Variants in RFFL observed in about 807,000 individuals in gnomAD.
RFFL encodes ring finger and FYVE like domain containing E3 ubiquitin protein ligase.
RFFL carries 16 observed loss-of-function variants against 40.4 expected under a neutral mutation model. The observed-to-expected ratio is 0.40, with a 90% CI of 0.27 to 0.60. The LOEUF is 0.60. Ranked by LOEUF, RFFL falls within the 20% of genes least tolerant of loss-of-function variation. RFFL has a pLI of 0.47. For synonymous variants in RFFL, 154 were observed against 167.9 expected (o/e 0.92, Z 0.64); for missense variants, 367 against 451.7 (o/e 0.81, Z 1.70).
At position 35,006,816 on chromosome 17, in the gene RFFL, C is replaced by CG. The variant is rs2090898459; in HGVS notation, c.*5151_*5152insC. The CG allele has an allele frequency of 6.8e-6, 1 of 147,946 alleles. No individual in the cohort carries two copies. Among genetic ancestry groups the CG allele is most frequent in the South Asian group, 2.1e-4 (1 of 4,790 alleles). The allele number at this position is 147,946 out of a possible 1,614,324, so 9.2% of individuals were successfully genotyped here. Reference sequence around the variant, plus strand: ...CTGCGCCCCCTGGCCACCCCACCGCCCCCCCCCAACTTTGATCTGATTGAC... The same window carrying CG: ...CTGCGCCCCCTGGCCACCCCACCGCCGCCCCCCCAACTTTGATCTGATTGAC... On this transcript the variant is annotated 3_prime_UTR_variant, in exon 7 of 7. Transcript: ENST00000394597.
At chr17:35,077,038 T>C (rs997996802) in intron 1 of RFFL, 1 of 257,992 alleles carries the variant, frequency 3.9e-6, no homozygotes, top group Non-Finnish European at 8.0e-6. Context: ...ACAATAAATG[T>C]TCTGGTTTTT....
intron 1 of RFFL, among the ~76,000 whole-genome samples, chr17:35,040,841 CTTTTTTTTT>C (rs869061281): frequency 2.4e-3 from 151 of 62,416 alleles, no homozygotes; most frequent in African/African-American, 7.9e-3. Flanking sequence ...GCTTTAATGT[CTTTTTTTTT>C]TTTTTTTTTT....
chr17:35,040,983 AT>A (rs2091161871), intron 1 of RFFL, among the ~76,000 whole-genome samples: 1 of 149,458 alleles, frequency 6.7e-6, no homozygotes, highest in Non-Finnish European at 1.5e-5. Context: ...GGCTCTAAGG[AT>A]CCTCCTGCGT....
chr17:35,071,407 C>G (rs963229495), intron 1 of RFFL, among the ~76,000 whole-genome samples: 1 of 151,868 alleles, frequency 6.6e-6, no homozygotes, highest in Non-Finnish European at 1.5e-5. Context: ...CACTTGAGGT[C>G]AGGAGTTCAA....
chr17:35,038,337 G>T (rs1255367706), intron 1 of RFFL, among the ~76,000 whole-genome samples: 1 of 150,144 alleles, frequency 6.7e-6, no homozygotes, highest in Non-Finnish European at 1.5e-5. Flanking sequence ...CTCTAATATT[G>T]CTGGTGGAAG....
intron 1 of RFFL, among the ~76,000 whole-genome samples, chr17:35,079,378 T>C (rs536096249): frequency 6.6e-6 from 1 of 152,344 alleles, no homozygotes; most frequent in South Asian, 2.1e-4. Flanking sequence ...TCTGTTTTTT[T>C]GCTAGCATTT....
chr17:35,056,910 T>A (rs1385343221), intron 1 of RFFL, among the ~76,000 whole-genome samples: 1 of 151,940 alleles, frequency 6.6e-6, no homozygotes, highest in Non-Finnish European at 1.5e-5. Flanking sequence ...CACCCTTTTT[T>A]TTTTTCTTTT....
chr17:35,018,567 G>A (rs1458155862), intron 3 of RFFL: 3 of 152,154 alleles, frequency 2.0e-5, no homozygotes, highest in Admixed American at 2.0e-4. Flanking sequence ...ACCAGATTCT[G>A]GGGATGCCAG....
At chr17:35,085,052 C>T (rs894195621) in intron 1 of RFFL, among the ~76,000 whole-genome samples, 1 of 152,100 alleles carries the variant, frequency 6.6e-6, no homozygotes, top group Non-Finnish European at 1.5e-5. Flanking sequence ...ATCACTTACC[C>T]ACTCAGTCAA....
chr17:35,067,618 C>T (rs2091327114), upstream of RFFL, among the ~76,000 whole-genome samples: 1 of 151,694 alleles, frequency 6.6e-6, no homozygotes, highest in Admixed American at 6.6e-5. Context: ...CCAGGCCTGG[C>T]TAATTTTTGT....
In RFFL at chr17:35,076,522, T is replaced by C. The variant is rs149313181; in HGVS notation, c.-9+12583A>G. Among the ~76,000 whole-genome samples, 764 of 151,528 alleles carry C rather than the reference T, an allele frequency of 5.0e-3. 4 individuals are homozygous for C. Among genetic ancestry groups the C allele is most frequent in the African/African-American group, 0.018 (737 of 41,340 alleles). On this transcript the variant is annotated intron_variant, in intron 1 of 6. Coordinates refer to the RFFL transcript ENST00000315249. ...ATGGAGAAACCCCATCTACTAAAAA[T>C]ACAAAATTAGCCGGGTGTGGTGATG... is the stretch of plus-strand genomic sequence containing the variant.
chr17:35,069,334 C>T (rs1285106922), intron 1 of RFFL: 4 of 456,536 alleles, frequency 8.8e-6, no homozygotes, highest in East Asian at 6.9e-5. Flanking sequence ...TTTGTCAACA[C>T]GTGTTTCATC....
At position 35,008,573 on chromosome 17, in the gene RFFL, C is replaced by T. The variant is rs1243625438; in HGVS notation, c.*3395G>A. The T allele has an allele frequency of 1.3e-5, 2 of 151,976 alleles. No homozygotes were observed. The highest frequency in any genetic ancestry group is 4.8e-5 in the African/African-American group (2 of 41,356). The allele number at this position is 151,976 out of a possible 1,614,324, so 9.4% of individuals were successfully genotyped here. A position where few individuals can be genotyped will look rare whatever the true frequency, so the allele number is the denominator to read the frequency against. On this transcript the variant is annotated 3_prime_UTR_variant, in exon 7 of 7. Coordinates refer to ENST00000394597, the MANE Select transcript of RFFL (RefSeq NM_001017368.2). ...AGCCTTCCAAGTAGTTGGGACTACC[C>T]ACATGCACCACCATGCACGGCTAAT...
At chr17:35,035,822 G>T (rs954081598) in intron 1 of RFFL, among the ~76,000 whole-genome samples, 2 of 151,894 alleles carry the variant, frequency 1.3e-5, no homozygotes, top group African/African-American at 4.8e-5. Context: ...TCCTGCCTCA[G>T]CCTCCTGCGT....
rs1332966308 is a variant in RFFL, at chr17:35,017,625, A to G, written c.592-19T>C. ...CATTGGCCTGTGGGAAGAGAAAAGT[A>G]ACATCACATCTAGAGATGTCCCAGA... On this transcript the variant is annotated intron_variant, in intron 3 of 6. Coordinates refer to ENST00000394597, the MANE Select transcript of RFFL (RefSeq NM_001017368.2). 1 of 1,540,276 alleles carries G rather than the reference A, an allele frequency of 6.5e-7. No individual in the cohort carries two copies. The highest frequency in any genetic ancestry group is 8.9e-7 in the Non-Finnish European group (1 of 1,117,906).
chr17:35,045,243 C>A (rs78802889), intron 1 of RFFL, among the ~76,000 whole-genome samples: 1 of 147,902 alleles, frequency 6.8e-6, no homozygotes, highest in South Asian at 2.1e-4. Flanking sequence ...TTTTTTTTTT[C>A]TTTTTTTGAG....
rs1337106649 is a variant in RFFL at position 35,006,047 on chromosome 17, G to GA, written c.*5920dup. 2 of 230,080 alleles carry GA rather than the reference G, an allele frequency of 8.7e-6. No individual in the cohort carries two copies. The highest frequency in any genetic ancestry group is 1.1e-4 in the East Asian group (1 of 8,870). The allele number at this position is 230,080 out of a possible 1,614,324, so 14.3% of individuals were successfully genotyped here. ...AGAAAATATACTCCATATCTGCAGG[G>GA]AAAAAAATAAAAATCCACACCTGAG... On this transcript the variant is annotated 3_prime_UTR_variant, in exon 7 of 7. Transcript: ENST00000394597.
At chr17:35,057,077 G>A (rs1443517038) in intron 1 of RFFL, among the ~76,000 whole-genome samples, 1 of 151,840 alleles carries the variant, frequency 6.6e-6, no homozygotes, top group East Asian at 1.9e-4. Flanking sequence ...CACCATGCCT[G>A]GCTAAAATTT....
At chr17:35,046,958 G>A (rs182255755) in intron 1 of RFFL, among the ~76,000 whole-genome samples, 109 of 152,292 alleles carry the variant, frequency 7.2e-4, no homozygotes, top group African/African-American at 2.3e-3. Context: ...TCAGAGTAAA[G>A]TCTTCTAACA....
Sources: allele counts gnomAD v4.1 joint callset (sites outside exome capture counted in the v4.1 genomes callset), GRCh38; gene constraint gnomAD v4.1.1; transcripts MANE v1.5; gene names NCBI Gene and HGNC (gene_info 2026-07-23, HGNC 2026-07-21).